SORT1: variants seen among roughly 807,000 people sequenced by gnomAD.
SORT1 encodes sortilin.
Under a neutral mutation model 101.7 loss-of-function variants are expected in SORT1, and 39 were observed. The ratio of observed to expected loss-of-function variants is 0.38; its 90% CI spans 0.30 to 0.50. The LOEUF (loss-of-function observed/expected upper bound fraction) is 0.50. Ranked by LOEUF, SORT1 falls within the 20% of genes least tolerant of loss-of-function variation. The probability of loss-of-function intolerance (pLI) is 0.90; values close to 1 mark genes in which losing one functional copy is unlikely to be tolerated. For missense variants in SORT1, 878 were observed against 1,040.4 expected (o/e 0.84, Z 2.15); for synonymous variants, 396 against 393.7 (o/e 1.01, Z -0.07).
intron 11 of SORT1, among the ~76,000 whole-genome samples, chr1:109,332,975 T>C (rs936946852): frequency 6.6e-5 from 10 of 152,124 alleles, no homozygotes; most frequent in African/African-American, 2.4e-4. Flanking sequence ...GTCGCCAGGC[T>C]GGAGTGCAAT....
At chr1:109,325,130 T>C in intron 13 of SORT1, 41 bp from the exon 14 acceptor site, 1 of 1,420,688 alleles carries the variant, frequency 7.0e-7, no homozygotes, top group Non-Finnish European at 9.7e-7. Flanking sequence ...AGAGGATCAA[T>C]GTGTACTGGG....
intron 11 of SORT1, among the ~76,000 whole-genome samples, chr1:109,331,783 C>T (rs1355752312): frequency 1.3e-5 from 2 of 151,578 alleles, no homozygotes; most frequent in Non-Finnish European, 2.9e-5. Flanking sequence ...TATAAAAATC[C>T]TTAATCTTTA....
In SORT1 at chr1:109,310,488, C is replaced by T. The variant is rs1002715289; in HGVS notation, c.*3555G>A. ...CGGCCCTCCCTGTCACTTCATCACA[C>T]AGCAAATCTTAAAACTTTGGTTTTT... On this transcript the variant is annotated 3_prime_UTR_variant, in exon 20 of 20. Transcript: ENST00000256637. 1 of 155,752 alleles carries T rather than the reference C, an allele frequency of 6.4e-6. No homozygotes were observed. Among genetic ancestry groups the T allele is most frequent in the Non-Finnish European group, 1.5e-5 (1 of 68,052 alleles). 9.6% of individuals were successfully genotyped at this position (155,752 alleles called of 1,614,324 possible).
intron 5 of SORT1, among the ~76,000 whole-genome samples, chr1:109,352,369 A>G (rs1273782968): frequency 6.6e-6 from 1 of 152,168 alleles, no homozygotes; most frequent in African/African-American, 2.4e-5. Context: ...TAAGGAAGGA[A>G]CTAAAAGGAA....
At chr1:109,338,970 C>T (rs1309937832) in intron 10 of SORT1, among the ~76,000 whole-genome samples, 5 of 152,002 alleles carry the variant, frequency 3.3e-5, no homozygotes, top group Non-Finnish European at 7.4e-5. Context: ...CTCAGCCTCC[C>T]GGGTTCACGC....
At chr1:109,342,194 C>T in intron 8 of SORT1, 36 bp from the exon 9 acceptor site, 1 of 1,552,262 alleles carries the variant, frequency 6.4e-7, no homozygotes, top group Non-Finnish European at 8.8e-7. Context: ...TTCTAATTTT[C>T]TGCCAAGATG....
In SORT1 at chr1:109,369,599, G is replaced by A. The variant is rs1570963825; in HGVS notation, c.307-10C>T. 8 of 1,588,458 alleles carry A rather than the reference G, an allele frequency of 5.0e-6. No individual in the cohort carries two copies. Among genetic ancestry groups the A allele is most frequent in the Non-Finnish European group, 6.9e-6 (8 of 1,157,296 alleles). The stretch of plus-strand genomic sequence containing the variant: ...GATCATCAAACACATGCTATAAGGG[G>A]AAAAAAAATTAATTTAGAAATGACA... On this transcript the variant is annotated splice_polypyrimidine_tract_variant and intron_variant, in intron 1 of 19. Coordinates refer to ENST00000256637, the MANE Select transcript of SORT1 (RefSeq NM_002959.7).
intron 15 of SORT1, among the ~76,000 whole-genome samples, chr1:109,320,284 C>G (rs1239110622): frequency 6.6e-6 from 1 of 152,164 alleles, no homozygotes; most frequent in African/African-American, 2.4e-5. Context: ...AATATGCTGA[C>G]AAAACCTCAA....
intron 6 of SORT1, among the ~76,000 whole-genome samples, chr1:109,350,496 G>A (rs1649891059): frequency 6.6e-6 from 1 of 152,194 alleles, no homozygotes; most frequent in African/African-American, 2.4e-5. Context: ...GACTTCAGGA[G>A]TCTGGAAGCT....
Position 109,313,979 on chromosome 1 carries a change from C to A in SORT1, c.*64G>T. ...GGAAATTTATTTCCTGAAGTTGGAG[C>A]CACAGGGAGTGTAAGAGGTACTGTG... On this transcript the variant is annotated 3_prime_UTR_variant, in exon 20 of 20. Coordinates refer to ENST00000256637, the MANE Select transcript of SORT1 (RefSeq NM_002959.7). 7 of 1,519,356 alleles carry A rather than the reference C, an allele frequency of 4.6e-6. No homozygotes were observed. Among genetic ancestry groups the A allele is most frequent in the Non-Finnish European group, 6.4e-6 (7 of 1,099,496 alleles). 94.1% of individuals were successfully genotyped at this position (1,519,356 alleles called of 1,614,324 possible). A position where few individuals can be genotyped will look rare whatever the true frequency, so the allele number is the denominator to read the frequency against.
rs1328385130 is a variant in SORT1 at position 109,312,011 on chromosome 1, A to G, written c.*2032T>C. On this transcript the variant is annotated 3_prime_UTR_variant, in exon 20 of 20. Transcript: ENST00000256637. ...AAGTTCCACAGAAATCCCAGATATC[A>G]TTAAAAGCGAAGAGCCCTATCGTAT... The G allele has an allele frequency of 6.6e-6, 1 of 152,396 alleles. No individual in the cohort carries two copies. The allele number at this position is 152,396 out of a possible 1,614,324, so 9.4% of individuals were successfully genotyped here. A position where few individuals can be genotyped will look rare whatever the true frequency, so the allele number is the denominator to read the frequency against.
intron 15 of SORT1, among the ~76,000 whole-genome samples, chr1:109,321,145 T>C (rs578140811): frequency 6.6e-6 from 1 of 152,316 alleles, no homozygotes; most frequent in Non-Finnish European, 1.5e-5. Flanking sequence ...GATTACTATA[T>C]TATTATCGAA....
At chr1:109,388,734 T>C (rs370332382) in intron 1 of SORT1, among the ~76,000 whole-genome samples, 2 of 152,328 alleles carry the variant, frequency 1.3e-5, no homozygotes, top group African/African-American at 4.8e-5. Context: ...AATCCTGTAC[T>C]ATCTTCACAA....
At chr1:109,356,638 T>C (rs540703682) in intron 3 of SORT1, among the ~76,000 whole-genome samples, 133 of 152,334 alleles carry the variant, frequency 8.7e-4, no homozygotes, top group African/African-American at 3.0e-3. Context: ...TTTTTCCCCA[T>C]AGAAGTTACC....
intron 3 of SORT1, among the ~76,000 whole-genome samples, chr1:109,355,866 A>G (rs950247153): frequency 6.6e-6 from 1 of 151,848 alleles, no homozygotes; most frequent in Non-Finnish European, 1.5e-5. Context: ...ACATTTGGTA[A>G]TGTTTGCAGA....
At chr1:109,351,129 G>T (rs949065891) in intron 5 of SORT1, 127 bp from the exon 6 acceptor site, 2 of 735,730 alleles carry the variant, frequency 2.7e-6, no homozygotes, top group African/African-American at 1.7e-5. Flanking sequence ...CATCAGAGCT[G>T]CCCGAGCTCC....
chr1:109,380,219 G>T lies in SORT1; in HGVS notation c.307-10630C>A, dbSNP rs186548400. Among the ~76,000 whole-genome samples, 6 of 152,266 alleles carry T rather than the reference G, an allele frequency of 3.9e-5. No individual in the cohort carries two copies. The East Asian group carries it at 1.2e-3, about 29-fold the overall frequency. On this transcript the variant is annotated intron_variant, in intron 1 of 19. Transcript: ENST00000256637. ...GAGGTGGGAGGATTGCTTGAGCCTG[G>T]GAGTTCGAGGCTGTAGTGATCTGTG... is the stretch of plus-strand genomic sequence containing the variant.
At position 109,397,675 on chromosome 1, in the gene SORT1, C is replaced by G; in HGVS notation, c.218G>C (p.Gly73Ala). ...GCCCGGCGCGCTGCGACGCCAACGG[C>G]CGCCGCGGGGAAACGCGCCCCCGGC... ...AAAGGAFPRGGRWRRSAPGED... is the reference protein window; with the variant it reads ...AAAGGAFPRGARWRRSAPGED... The change falls in exon 1 of 20, where the codon GGC (glycine) becomes GCC (alanine). Residue 73 changes from glycine to alanine, a missense_variant. This residue lies in a region of SORT1 where 194 missense variants were observed against 145.9 expected (regional missense o/e 1.33). Transcript: ENST00000256637. 8.3e-7 allele frequency: 1 copy of G among 1,205,798 alleles called. No homozygotes were observed. The highest frequency in any genetic ancestry group is 1.0e-6 in the Non-Finnish European group (1 of 969,628). The allele number at this position is 1,205,798 out of a possible 1,614,324, so 74.7% of individuals were successfully genotyped here. A position where few individuals can be genotyped will look rare whatever the true frequency, so the allele number is the denominator to read the frequency against.
chr1:109,372,644 C>A (rs571207040), intron 1 of SORT1, among the ~76,000 whole-genome samples: 4 of 152,042 alleles, frequency 2.6e-5, no homozygotes, highest in Non-Finnish European at 5.9e-5. Context: ...ATGGGCCGGG[C>A]GCGGTGGCTC....
Sources: gnomAD v4.1 joint callset for allele counts (sites outside exome capture counted in the v4.1 genomes callset) on GRCh38, gnomAD v4.1.1 for gene constraint, gnomAD v4.1.1 regional missense constraint, MANE v1.5 for transcripts, NCBI Gene and HGNC (gene_info 2026-07-23, HGNC 2026-07-21) for gene names.